ZFHX3: variants seen among roughly 807,000 people sequenced by gnomAD.
ZFHX3 encodes the protein zinc finger homeobox 3.
In ZFHX3, 42 loss-of-function variants were observed where a neutral mutation model predicts 279.1. The observed-to-expected ratio is 0.15, with a 90% CI of 0.12 to 0.19. ZFHX3 has a LOEUF of 0.19. Among genes scored for constraint, ZFHX3 ranks in the 10% least tolerant of loss-of-function variants. ZFHX3 has a pLI of 1.00. For synonymous variants in ZFHX3, 2,293 were observed against 1,957.8 expected (o/e 1.17, Z -4.52); for missense variants, 4,981 against 4,754.0 (o/e 1.05, Z -1.40).
At chr16:73,245,515 C>T (rs553635140) in intron 5 of ZFHX3, among the ~76,000 whole-genome samples, 1 of 152,158 alleles carries the variant, frequency 6.6e-6, no homozygotes, top group Non-Finnish European at 1.5e-5. Flanking sequence ...ATAGATGATG[C>T]CTTAAAAAAA....
intron 2 of ZFHX3, chr16:73,486,942 G>C (rs1184553141): frequency 2.3e-6 from 1 of 438,772 alleles, no homozygotes; most frequent in Non-Finnish European, 4.6e-6. Context: ...AAGGCAATTT[G>C]GGTTACTGGG....
intron 1 of ZFHX3, among the ~76,000 whole-genome samples, chr16:73,801,424 T>G: frequency 6.6e-6 from 1 of 152,172 alleles, no homozygotes; most frequent in East Asian, 1.9e-4. Context: ...GTTCAATCCT[T>G]TCCTCTGATA....
At chr16:73,751,802 G>T (rs978822876) in intron 1 of ZFHX3, among the ~76,000 whole-genome samples, 2 of 152,074 alleles carry the variant, frequency 1.3e-5, no homozygotes, top group African/African-American at 4.8e-5. Context: ...CACTTCCTCA[G>T]ATCCAGCCTC....
At chr16:73,248,223 T>C (rs2013363877) in intron 5 of ZFHX3, among the ~76,000 whole-genome samples, 1 of 151,860 alleles carries the variant, frequency 6.6e-6, no homozygotes, top group Admixed American at 6.6e-5. Flanking sequence ...TGTGTGTGTG[T>C]ATACTGTGCA....
At chr16:73,185,970 G>T (rs1409197235) in intron 5 of ZFHX3, among the ~76,000 whole-genome samples, 1 of 152,134 alleles carries the variant, frequency 6.6e-6, no homozygotes, top group Non-Finnish European at 1.5e-5. Context: ...ATCAGCAGCG[G>T]CATGAGATTC....
At chr16:73,781,591 C>T (rs1475757608) in intron 1 of ZFHX3, among the ~76,000 whole-genome samples, 1 of 152,198 alleles carries the variant, frequency 6.6e-6, no homozygotes, top group Non-Finnish European at 1.5e-5. Context: ...ATATTTACTA[C>T]TGGGTCCTTT....
At chr16:73,345,198 C>A (rs1206824079) in intron 3 of ZFHX3, among the ~76,000 whole-genome samples, 1 of 152,064 alleles carries the variant, frequency 6.6e-6, no homozygotes, top group East Asian at 1.9e-4. Flanking sequence ...TATTTTCAGA[C>A]AATAAAAAGT....
chr16:73,298,837 T>C (rs375658202), intron 4 of ZFHX3, among the ~76,000 whole-genome samples: 1 of 152,230 alleles, frequency 6.6e-6, no homozygotes, highest in Non-Finnish European at 1.5e-5. Context: ...TTACTGATAG[T>C]GATGCCTGAC....
chr16:73,856,020 A>G (rs1236472419), intron 1 of ZFHX3, among the ~76,000 whole-genome samples: 1 of 152,212 alleles, frequency 6.6e-6, no homozygotes, highest in Non-Finnish European at 1.5e-5. Flanking sequence ...TGGAGCCACT[A>G]AAAAAATCAG....
chr16:73,536,010 C>T (rs1193719527), intron 2 of ZFHX3, among the ~76,000 whole-genome samples: 3 of 152,118 alleles, frequency 2.0e-5, no homozygotes, highest in African/African-American at 2.4e-5. Context: ...GTGTGAGCCA[C>T]CGCTCTCGGC....
intron 5 of ZFHX3, chr16:72,829,439 G>A (rs2037013021): frequency 4.0e-6 from 1 of 251,352 alleles, no homozygotes; most frequent in South Asian, 1.1e-4. Flanking sequence ...GACATCAAGG[G>A]CATTTTGGTG....
intron 3 of ZFHX3, among the ~76,000 whole-genome samples, chr16:73,365,881 A>G (rs2059264): frequency 0.31 from 46,492 of 152,170 alleles, 7,594 homozygotes; most frequent in African/African-American, 0.42. Flanking sequence ...GCACATACAA[A>G]TTCACAGAAA....
At chr16:73,036,705 G>C (rs921602246) in intron 1 of ZFHX3, among the ~76,000 whole-genome samples, 1 of 151,992 alleles carries the variant, frequency 6.6e-6, no homozygotes, top group African/African-American at 2.4e-5. Context: ...TGATCCCCTC[G>C]GTCGGTCGCT....
At chr16:72,863,153 G>A (rs1346015046) in intron 4 of ZFHX3, among the ~76,000 whole-genome samples, 1 of 151,794 alleles carries the variant, frequency 6.6e-6, no homozygotes, top group Non-Finnish European at 1.5e-5. Context: ...AATATTTGAT[G>A]ATTCCATGAA....
At chr16:72,979,211 A>G (rs1962484514) in intron 1 of ZFHX3, among the ~76,000 whole-genome samples, 1 of 152,222 alleles carries the variant, frequency 6.6e-6, no homozygotes. Context: ...ACCCAACAAC[A>G]GCGCTCCTGT....
intron 3 of ZFHX3, among the ~76,000 whole-genome samples, chr16:73,320,479 T>A (rs11647052): frequency 0.39 from 59,255 of 152,068 alleles, 13,385 homozygotes; most frequent in Non-Finnish European, 0.52. Flanking sequence ...ATCTCACATT[T>A]GAGCTAGTGG....
chr16:73,730,772 G>C (rs540121163), intron 1 of ZFHX3, among the ~76,000 whole-genome samples: 2 of 152,298 alleles, frequency 1.3e-5, no homozygotes, highest in Admixed American at 6.5e-5. Flanking sequence ...CCAGTATGGA[G>C]CTGGGGAACA....
intron 2 of ZFHX3, among the ~76,000 whole-genome samples, chr16:73,592,467 T>C (rs1393030100): frequency 6.6e-6 from 1 of 152,114 alleles, no homozygotes; most frequent in African/African-American, 2.4e-5. Flanking sequence ...TTTATATATA[T>C]TTATAAAGTT....
At chr16:73,541,844 C>G (rs971302329) in intron 2 of ZFHX3, among the ~76,000 whole-genome samples, 6 of 142,566 alleles carry the variant, frequency 4.2e-5, no homozygotes, top group African/African-American at 1.6e-4. Context: ...ACTCTGTCAC[C>G]CAGGCTGGAG....
Sources: gnomAD v4.1 joint callset for allele counts (sites outside exome capture counted in the v4.1 genomes callset) on GRCh38, gnomAD v4.1.1 for gene constraint, MANE v1.5 for transcripts, NCBI Gene and HGNC (gene_info 2026-07-23, HGNC 2026-07-21) for gene names.